The following ST3GAL1 variants were observed in gnomAD, a reference collection of about 807,000 sequenced individuals.
ST3GAL1 encodes the protein CMP-N-acetylneuraminate-beta-galactosamide-alpha-2,3-sialyltransferase 1.
In ST3GAL1, 16 loss-of-function variants were observed where a neutral mutation model predicts 34.1. That is an observed-to-expected ratio of 0.47 (90% CI 0.32 to 0.71). The LOEUF is 0.71. Ranked by LOEUF, ST3GAL1 falls within the 30% of genes least tolerant of loss-of-function variation. The pLI is 0.04. For missense variants in ST3GAL1, 353 were observed against 447.4 expected, an observed-to-expected ratio of 0.79 and a Z score of 1.90; for synonymous variants, 191 against 184.7, an observed-to-expected ratio of 1.03 and a Z score of -0.28.
chr8:133,551,604 AAGAAAGAAAGAAAGAG>A (rs1465768040), intron 1 of ST3GAL1, among the ~76,000 whole-genome samples: 9 of 139,570 alleles, frequency 6.4e-5, no homozygotes, highest in Non-Finnish European at 1.2e-4. Flanking sequence ...GAAAGAAAGA[AAGAAAGAAAGAAAGAG>A]CGAGCAAGCC....
intron 2 of ST3GAL1, among the ~76,000 whole-genome samples, chr8:133,505,908 C>T (rs1817320749): frequency 6.6e-6 from 1 of 152,104 alleles, no homozygotes; most frequent in African/African-American, 2.4e-5. Flanking sequence ...CCTGCTATTT[C>T]TAATTAAACT....
intron 2 of ST3GAL1, among the ~76,000 whole-genome samples, chr8:133,523,218 G>A (rs1817863449): frequency 6.6e-6 from 1 of 151,976 alleles, no homozygotes; most frequent in Non-Finnish European, 1.5e-5. Flanking sequence ...GTGGGGGGTT[G>A]CTAATCTCCC....
chr8:133,497,404 T>C (rs1411853316), intron 3 of ST3GAL1, among the ~76,000 whole-genome samples: 1 of 149,860 alleles, frequency 6.7e-6, no homozygotes, highest in Non-Finnish European at 1.5e-5. Context: ...CTAAGACAAG[T>C]AGTTTCCTAT....
intron 2 of ST3GAL1, among the ~76,000 whole-genome samples, chr8:133,530,462 T>C (rs192289783): frequency 6.6e-6 from 1 of 152,212 alleles, no homozygotes; most frequent in African/African-American, 2.4e-5. Context: ...TTTTTGTATT[T>C]AGTAGAGATG....
chr8:133,539,390 G>A (rs958019789), intron 2 of ST3GAL1, among the ~76,000 whole-genome samples: 4 of 152,172 alleles, frequency 2.6e-5, no homozygotes, highest in African/African-American at 4.8e-5. Flanking sequence ...CTCACAAAGC[G>A]GGCAAAGAAC....
intron 3 of ST3GAL1, among the ~76,000 whole-genome samples, chr8:133,493,503 C>A (rs577095077): frequency 6.6e-6 from 1 of 152,150 alleles, no homozygotes; most frequent in Admixed American, 6.5e-5. Flanking sequence ...TAAGCCTCAG[C>A]TCCCTTCAGA....
chr8:133,544,323 C>T (rs1375869031), intron 2 of ST3GAL1, among the ~76,000 whole-genome samples: 2 of 152,324 alleles, frequency 1.3e-5, no homozygotes, highest in Non-Finnish European at 2.9e-5. Flanking sequence ...AGATGGTGAG[C>T]TAGCTCCAGG....
At chr8:133,472,071 C>G (rs980284045) in intron 5 of ST3GAL1, among the ~76,000 whole-genome samples, 2 of 151,842 alleles carry the variant, frequency 1.3e-5, no homozygotes, top group Admixed American at 1.3e-4. Flanking sequence ...GACAGAGACC[C>G]GAGGAGAGGG....
chr8:133,540,776 GAGACATATATATATAT>G, intron 2 of ST3GAL1, among the ~76,000 whole-genome samples: 1 of 73,836 alleles, frequency 1.4e-5, no homozygotes, highest in South Asian at 5.4e-4. Context: ...TATATATATA[GAGACATATATATATAT>G]AGACATATAT....
At chr8:133,529,105 C>G (rs982612838) in intron 2 of ST3GAL1, among the ~76,000 whole-genome samples, 2 of 152,232 alleles carry the variant, frequency 1.3e-5, no homozygotes, top group Non-Finnish European at 2.9e-5. Context: ...GATTTGCAGA[C>G]AGCTGGGCAG....
intron 2 of ST3GAL1, among the ~76,000 whole-genome samples, chr8:133,529,380 G>A (rs16904938): frequency 0.38 from 58,427 of 152,052 alleles, 12,627 homozygotes; most frequent in East Asian, 0.63. Flanking sequence ...CTGCTACCGA[G>A]CAAATGTACA....
At chr8:133,544,523 C>A (rs1818622937) in intron 2 of ST3GAL1, among the ~76,000 whole-genome samples, 3 of 152,272 alleles carry the variant, frequency 2.0e-5, no homozygotes, top group Non-Finnish European at 2.9e-5. Context: ...TCACACATGC[C>A]ACATCTTCAG....
In ST3GAL1 at chr8:133,461,632, G is replaced by A. The variant is rs1256999439; in HGVS notation, c.849+243C>T. ...GCGAGATCCGAGCTTCCACCACCAC[G>A]GTCCTGGGCACTTACACAGAATGTG... On this transcript the variant is annotated intron_variant, in intron 9 of 9. Transcript: ENST00000522652. The surrounding 1 kb of genome is among the most constrained non-coding windows in gnomAD (Gnocchi z 4.7). 2.0e-5 allele frequency among the ~76,000 whole-genome samples: 3 copies of A among 152,120 alleles called. No individual in the cohort carries two copies. The highest frequency in any genetic ancestry group is 2.9e-5 in the Non-Finnish European group (2 of 68,004).
intron 2 of ST3GAL1, among the ~76,000 whole-genome samples, chr8:133,541,034 CATATATAGACATATATATAGACATAT>C (rs1563734422): frequency 1.3e-4 from 13 of 96,624 alleles, no homozygotes; most frequent in East Asian, 6.6e-4. Context: ...TATATATAGA[CATATATAGACATATATATAGACATAT>C]ATATATAGAC....
intron 1 of ST3GAL1, among the ~76,000 whole-genome samples, chr8:133,560,734 G>A (rs1045676885): frequency 6.6e-6 from 1 of 152,158 alleles, no homozygotes; most frequent in Non-Finnish European, 1.5e-5. Flanking sequence ...TGGGAATTAC[G>A]TTGCATGGGG....
chr8:133,477,299 G>A (rs1816215795), intron 3 of ST3GAL1, among the ~76,000 whole-genome samples: 1 of 152,212 alleles, frequency 6.6e-6, no homozygotes, highest in Admixed American at 6.5e-5. Context: ...TCTTCAACAT[G>A]TGAATGAATC....
chr8:133,473,224 C>A (rs1319824125), intron 5 of ST3GAL1, among the ~76,000 whole-genome samples: 3 of 152,136 alleles, frequency 2.0e-5, no homozygotes, highest in Non-Finnish European at 4.4e-5. Flanking sequence ...ACCGCCCTCC[C>A]CAAGAAGAAA....
chr8:133,506,000 A>C (rs1328820810), intron 2 of ST3GAL1, among the ~76,000 whole-genome samples: 1 of 152,246 alleles, frequency 6.6e-6, no homozygotes, highest in African/African-American at 2.4e-5. Flanking sequence ...TAACTGAATT[A>C]AAATAGAATA....
At chr8:133,517,061 G>A (rs1323829953) in intron 2 of ST3GAL1, among the ~76,000 whole-genome samples, 1 of 152,244 alleles carries the variant, frequency 6.6e-6, no homozygotes, top group African/African-American at 2.4e-5. Context: ...CTGTTTTCCT[G>A]CTGATTGGCA....
Sources: allele counts gnomAD v4.1 joint callset (sites outside exome capture counted in the v4.1 genomes callset), GRCh38; gene constraint gnomAD v4.1.1; non-coding constraint Gnocchi (gnomAD v3.1); transcripts MANE v1.5; gene names NCBI Gene and HGNC (gene_info 2026-07-23, HGNC 2026-07-21).